The following NAV1 variants were observed in gnomAD, a reference collection of about 807,000 sequenced individuals.
NAV1 encodes neuron navigator 1.
In NAV1, 18 loss-of-function variants were observed where a neutral mutation model predicts 175.2. That is an observed-to-expected ratio of 0.10 (90% CI 0.07 to 0.15). NAV1 has a LOEUF of 0.15. Ranked by LOEUF, NAV1 falls within the 10% of genes least tolerant of loss-of-function variation. The pLI, the probability that NAV1 is intolerant of heterozygous loss-of-function variation, is 1.00. For missense variants in NAV1, 1,731 were observed against 2,436.6 expected (o/e 0.71, Z 6.10); for synonymous variants, 897 against 978.7 (o/e 0.92, Z 1.56).
At chr1:201,742,544 C>A (rs1038942616) in intron 3 of NAV1, among the ~76,000 whole-genome samples, 2 of 152,156 alleles carry the variant, frequency 1.3e-5, no homozygotes, top group African/African-American at 4.8e-5. Flanking sequence ...CTTCCTGTCC[C>A]AGCAAACACT....
chr1:201,576,996 T>C (rs1165632903), intron 1 of NAV1, among the ~76,000 whole-genome samples: 8 of 152,186 alleles, frequency 5.3e-5, no homozygotes, highest in South Asian at 4.1e-4. Flanking sequence ...TGAGTTTTGT[T>C]TTGTTTTGTT....
intron 1 of NAV1, among the ~76,000 whole-genome samples, chr1:201,574,063 A>G (rs74374064): frequency 8.1e-6 from 1 of 123,914 alleles, no homozygotes; most frequent in Admixed American, 7.5e-5. Context: ...TGTCTCTAAG[A>G]AAAAAAAAAA....
chr1:201,775,323 T>C lies in NAV1; in HGVS notation c.1227-5098T>C, dbSNP rs1047255288. ...GAATGTTGAAAGCTCCAGGCTCTTC[T>C]CTAACTCAGCTCGTAGAATGCTGGT... On this transcript the variant is annotated intron_variant, in intron 3 of 29. Transcript: ENST00000367296. Among the ~76,000 whole-genome samples, 54 of 152,232 alleles carry C rather than the reference T, an allele frequency of 3.5e-4. 1 individual carries two copies. Among genetic ancestry groups the C allele is most frequent in the African/African-American group, 1.3e-3 (53 of 41,458 alleles).
At chr1:201,690,430 G>A (rs1293261307) in intron 1 of NAV1, among the ~76,000 whole-genome samples, 3 of 98,350 alleles carry the variant, frequency 3.1e-5, no homozygotes, top group Admixed American at 2.1e-4. Context: ...TGGCCTGTCC[G>A]TGGCAGAGTA....
Position 201,718,256 on chromosome 1 carries a change from T to G in NAV1, c.861-134T>G. ...ACAACCAGAGGCCTCATGGAGGAGGTGGAGCTTGGGCAGGTGGGGAGGAGG... is the reference window on the plus strand; with the variant it reads ...ACAACCAGAGGCCTCATGGAGGAGGGGGAGCTTGGGCAGGTGGGGAGGAGG... On this transcript the variant is annotated intron_variant, in intron 2 of 29. Coordinates refer to ENST00000367296, the Ensembl canonical transcript of NAV1. The surrounding 1 kb of genome is among the most constrained non-coding windows in gnomAD (Gnocchi z 4.8). 2.3e-6 allele frequency: 2 copies of G among 868,896 alleles called. No homozygotes were observed. Among genetic ancestry groups the G allele is most frequent in the Non-Finnish European group, 1.6e-6 (1 of 610,216 alleles). 53.8% of individuals were successfully genotyped at this position (868,896 alleles called of 1,614,324 possible).
intron 6 of NAV1, 140 bp downstream of exon 10, chr1:201,783,009 C>T (rs2102713718): frequency 4.3e-6 from 3 of 702,756 alleles, no homozygotes. Context: ...CACCTCTCCC[C>T]CATATGCCAA....
chr1:201,748,017 G>A (rs188776151), intron 3 of NAV1, among the ~76,000 whole-genome samples: 3 of 152,336 alleles, frequency 2.0e-5, no homozygotes, highest in Non-Finnish European at 4.4e-5. Context: ...CTAGGCTAGT[G>A]TTGAGCTGAC....
At chr1:201,755,907 C>G (rs1674426020) in intron 3 of NAV1, among the ~76,000 whole-genome samples, 1 of 151,972 alleles carries the variant, frequency 6.6e-6, no homozygotes, top group Non-Finnish European at 1.5e-5. Context: ...GAGATCGAGA[C>G]CATCCTGGCC....
chr1:201,552,994 C>G (rs372024340), intron 1 of NAV1, among the ~76,000 whole-genome samples: 9 of 152,064 alleles, frequency 5.9e-5, no homozygotes, highest in Admixed American at 2.6e-4. Flanking sequence ...CTCCAGGGGA[C>G]GAGGGGGGCA....
intron 2 of NAV1, among the ~76,000 whole-genome samples, chr1:201,598,953 A>G (rs1667438810): frequency 6.6e-6 from 1 of 152,226 alleles, no homozygotes; most frequent in Non-Finnish European, 1.5e-5. Flanking sequence ...GATCATTATC[A>G]GGTGGGGCAT....
At chr1:201,696,270 C>T (rs948627289) in intron 1 of NAV1, among the ~76,000 whole-genome samples, 6 of 152,178 alleles carry the variant, frequency 3.9e-5, no homozygotes, top group Non-Finnish European at 8.8e-5. Flanking sequence ...CAGCTGGTTC[C>T]CAGGCTCCTG....
In NAV1 at chr1:201,659,314, G is replaced by A. The variant is rs141558391; in HGVS notation, c.757+9889G>A. Among the ~76,000 whole-genome samples the A allele has an allele frequency of 3.9e-5, 6 of 152,316 alleles. No individual in the cohort carries two copies. In the East Asian group the frequency reaches 1.2e-3, roughly 29 times the overall value. ...GGAGGAATTTAAAGGAGTTTTAAAG[G>A]AATATTTATAGGAATCAGAGGCTGA... On this transcript the variant is annotated intron_variant, in intron 1 of 29. Coordinates refer to ENST00000367296, the Ensembl canonical transcript of NAV1.
At chr1:201,556,490 T>TG (rs1017561647) in intron 1 of NAV1, among the ~76,000 whole-genome samples, 1 of 150,748 alleles carries the variant, frequency 6.6e-6, no homozygotes, top group Non-Finnish European at 1.5e-5. Context: ...CTCAGGACAG[T>TG]GGGGGGACAG....
At chr1:201,629,240 G>A (rs1204335777) in intron 1 of NAV1, among the ~76,000 whole-genome samples, 164 bp from the exon 4 acceptor site, 2 of 152,240 alleles carry the variant, frequency 1.3e-5, no homozygotes, top group African/African-American at 4.8e-5. Context: ...CTGCTGGAGG[G>A]CAGGCATGTG....
At chr1:201,708,477 A>C in intron 1 of NAV1, among the ~76,000 whole-genome samples, 1 of 146,558 alleles carries the variant, frequency 6.8e-6, no homozygotes. Context: ...CACACACTTC[A>C]CTCTTGCAGC....
At chr1:201,589,606 C>G (rs1208262751) in intron 2 of NAV1, among the ~76,000 whole-genome samples, 1 of 152,176 alleles carries the variant, frequency 6.6e-6, no homozygotes, top group East Asian at 1.9e-4. Flanking sequence ...ATCCTCCCAC[C>G]TCAGCCTCCT....
chr1:201,592,082 C>G (rs572634287), intron 2 of NAV1, among the ~76,000 whole-genome samples: 1 of 152,292 alleles, frequency 6.6e-6, no homozygotes, highest in South Asian at 2.1e-4. Flanking sequence ...CTCTCAAGCC[C>G]CCACTCTCCT....
intron 1 of NAV1, among the ~76,000 whole-genome samples, chr1:201,659,192 C>T (rs940129062): frequency 4.6e-5 from 7 of 152,200 alleles, no homozygotes; most frequent in African/African-American, 1.7e-4. Flanking sequence ...TTCAACTGCA[C>T]GCTATTCAGT....
At chr1:201,804,548 C>A in intron 17 of NAV1, 51 bp downstream of exon 21, 4 of 1,412,220 alleles carry the variant, frequency 2.8e-6, no homozygotes, top group South Asian at 1.4e-5. Context: ...TTTGCCATAC[C>A]TTCCCTATTT....
Sources: gnomAD v4.1 joint callset for allele counts (sites outside exome capture counted in the v4.1 genomes callset) on GRCh38, gnomAD v4.1.1 for gene constraint, Gnocchi (gnomAD v3.1) non-coding constraint, MANE v1.5 for transcripts, NCBI Gene and HGNC (gene_info 2026-07-23, HGNC 2026-07-21) for gene names.